Variants in KTN1 observed in about 807,000 individuals in gnomAD.
KTN1 encodes the protein kinectin 1, also known as kinectin.
KTN1 carries 130 observed loss-of-function variants against 222.5 expected under a neutral mutation model. The ratio of observed to expected loss-of-function variants is 0.58; its 90% CI spans 0.51 to 0.68. The LOEUF (loss-of-function observed/expected upper bound fraction) is 0.68. KTN1 is among the 30% of genes least tolerant of loss of function. KTN1 has a pLI of 0.00. For missense variants in KTN1, 1,508 were observed against 1,500.4 expected, an observed-to-expected ratio of 1.01 and a Z score of -0.08; for synonymous variants, 512 against 496.3, an observed-to-expected ratio of 1.03 and a Z score of -0.42.
intron 43 of KTN1, chr14:55,680,826 A>C: frequency 3.0e-6 from 2 of 670,946 alleles, no homozygotes; most frequent in Non-Finnish European, 2.5e-6. Context: ...GCCTCAGCTC[A>C]AATCTTTTAT....
At chr14:55,673,998 AGATTTTT>A (rs1391357677) in intron 40 of KTN1, 1 of 151,982 alleles carries the variant, frequency 6.6e-6, no homozygotes, top group Non-Finnish European at 1.5e-5. Context: ...CACAGGGATT[AGATTTTT>A]TTTTTTTAAG....
Position 55,670,775 on chromosome 14 carries a change from G to A in KTN1, c.3314G>A (p.Cys1105Tyr), listed in dbSNP as rs1566843320. 6.2e-7 allele frequency: 1 copy of A among 1,609,880 alleles called. No individual in the cohort carries two copies. Among genetic ancestry groups the A allele is most frequent in the East Asian group, 2.2e-5 (1 of 44,640 alleles). ...GGATTTGAAAAAAAGGCAAAAGAAT[G>A]TATGGCTGGAACTTCAGGGTCAGAG... The part of the protein sequence containing the change: ...LHGFEKKAKE[C>Y]MAGTSGSEEV... The change falls in exon 35 of 44, where the codon TGT (cysteine) becomes TAT (tyrosine). Residue 1105 changes from cysteine to tyrosine, a missense_variant. Transcript: ENST00000395314.
At chr14:55,592,449 C>G (rs548362709) in intron 1 of KTN1, among the ~76,000 whole-genome samples, 4 of 152,078 alleles carry the variant, frequency 2.6e-5, no homozygotes, top group African/African-American at 7.2e-5. Context: ...TGCAGTTGAC[C>G]CTTGAACAAC....
Position 55,653,289 on chromosome 14 carries a change from C to T in KTN1, c.2763+204C>T, listed in dbSNP as rs569014619. 4.6e-5 allele frequency among the ~76,000 whole-genome samples: 7 copies of T among 152,304 alleles called. 1 individual carries two copies. The highest frequency in any genetic ancestry group is 1.7e-4 in the African/African-American group (7 of 41,570). On this transcript the variant is annotated intron_variant, in intron 27 of 43. Transcript: ENST00000395314. The stretch of plus-strand genomic sequence containing the variant: ...TGCTTAATCTGTCAACCTGAGCCTA[C>T]AAGCATTTCCTTATCTCTACCTTTT...
intron 1 of KTN1, among the ~76,000 whole-genome samples, chr14:55,603,723 A>G (rs1441976912): frequency 2.0e-5 from 3 of 152,196 alleles, no homozygotes; most frequent in Non-Finnish European, 4.4e-5. Flanking sequence ...TTCACTTGTC[A>G]TGTGACAACT....
chr14:55,583,889 G>A (rs2032329584), intron 1 of KTN1, among the ~76,000 whole-genome samples: 1 of 152,130 alleles, frequency 6.6e-6, no homozygotes, highest in Non-Finnish European at 1.5e-5. Context: ...AGTCATCCCT[G>A]ACTTATTTCT....
In KTN1 at chr14:55,640,593, A is replaced by G; in HGVS notation, c.1983+151A>G. On this transcript the variant is annotated intron_variant, in intron 15 of 43. Coordinates refer to ENST00000395314, the MANE Select transcript of KTN1 (RefSeq NM_001079521.2). ...TGCATGATTTGATGTTACTGTTTTT[A>G]TGTTGAAATAAATGTTTGATCCAGT... 2.2e-5 allele frequency: 14 copies of G among 633,012 alleles called. No homozygotes were observed. In the South Asian group the frequency reaches 3.1e-4, roughly 14 times the overall value. 39.2% of individuals were successfully genotyped at this position (633,012 alleles called of 1,614,324 possible). A position where few individuals can be genotyped will look rare whatever the true frequency, so the allele number is the denominator to read the frequency against.
intron 43 of KTN1, chr14:55,681,094 ACTCT>A (rs1278000653): frequency 1.0e-5 from 2 of 191,388 alleles, no homozygotes; most frequent in East Asian, 1.3e-4. Context: ...TTAAGAAAAT[ACTCT>A]CTATCTACTT....
At chr14:55,650,306 A>G (rs766256068) in intron 22 of KTN1, 22 bp from the exon 23 acceptor site, 11 of 1,507,312 alleles carry the variant, frequency 7.3e-6, no homozygotes, top group Non-Finnish European at 1.0e-5. Context: ...TAATCAAATT[A>G]TACTGCATTT....
chr14:55,666,332 C>T (rs943873160), intron 33 of KTN1, among the ~76,000 whole-genome samples: 2 of 151,764 alleles, frequency 1.3e-5, no homozygotes, highest in African/African-American at 4.8e-5. Flanking sequence ...TTCTAGCTTG[C>T]TTGCCTTCTT....
At chr14:55,651,786 T>G (rs1379648160) in intron 24 of KTN1, 104 bp from the exon 25 acceptor site, 18 of 707,162 alleles carry the variant, frequency 2.5e-5, no homozygotes, top group Non-Finnish European at 4.1e-5. Context: ...AAAATTCAGC[T>G]AGTTTCTTTG....
At chr14:55,615,888 C>CTCTTTCTCTCTCTCTT (rs2038303296) in intron 2 of KTN1, among the ~76,000 whole-genome samples, 1 of 139,942 alleles carries the variant, frequency 7.1e-6, no homozygotes, top group African/African-American at 2.7e-5. Flanking sequence ...CTTTCTTTCT[C>CTCTTTCTCTCTCTCTT]TCTTTCTCTC....
chr14:55,648,966 C>A, intron 21 of KTN1, 96 bp downstream of exon 21: 2 of 856,058 alleles, frequency 2.3e-6, no homozygotes, highest in Non-Finnish European at 3.7e-6. Flanking sequence ...TGCTCTTTTG[C>A]CCAGGCTGGA....
At position 55,678,523 on chromosome 14, in the gene KTN1, A is replaced by G. The variant is rs552221004; in HGVS notation, c.3948+79A>G. On this transcript the variant is annotated intron_variant, in intron 42 of 43. Transcript: ENST00000395314. ...TAAAGAACAAAAATGTATAAGGTCC[A>G]TCTCCGAAAGTCATCTTTCTTGAAA... The G allele has an allele frequency of 5.5e-5, 45 of 824,296 alleles. No individual in the cohort carries two copies. In the African/African-American group the frequency reaches 6.6e-4, roughly 12 times the overall value. The allele number at this position is 824,296 out of a possible 1,614,324, so 51.1% of individuals were successfully genotyped here.
At chr14:55,655,745 C>G (rs1566811593) in intron 28 of KTN1, among the ~76,000 whole-genome samples, 1 of 152,110 alleles carries the variant, frequency 6.6e-6, no homozygotes. Context: ...GGGCAAAACT[C>G]CTTGCTTTTG....
chr14:55,667,706 C>G (rs1464253432), intron 34 of KTN1: 1 of 153,802 alleles, frequency 6.5e-6, no homozygotes, highest in African/African-American at 2.4e-5. Context: ...ATACTATGAA[C>G]TAGGCTCTTT....
intron 1 of KTN1, chr14:55,607,266 T>C (rs907227283): frequency 4.6e-5 from 7 of 152,232 alleles, no homozygotes; most frequent in Non-Finnish European, 8.8e-5. Context: ...TAAAACTATT[T>C]GATTAGTATT....
chr14:55,647,812 C>T (rs535728418), intron 19 of KTN1, among the ~76,000 whole-genome samples: 344 of 147,774 alleles, frequency 2.3e-3, no homozygotes, highest in African/African-American at 7.3e-3. Context: ...GGCGTGGTGG[C>T]GGGCGCCTGT....
chr14:55,624,810 G>A (rs1399778213), intron 5 of KTN1, among the ~76,000 whole-genome samples: 2 of 152,142 alleles, frequency 1.3e-5, no homozygotes, highest in Non-Finnish European at 2.9e-5. Context: ...GGAGCTTGGG[G>A]GAATGATCAA....
Sources: gnomAD v4.1 joint callset for allele counts (sites outside exome capture counted in the v4.1 genomes callset) on GRCh38, gnomAD v4.1.1 for gene constraint, MANE v1.5 for transcripts, NCBI Gene and HGNC (gene_info 2026-07-23, HGNC 2026-07-21) for gene names.